The following AREL1 variants were observed in gnomAD, a reference collection of about 807,000 sequenced individuals.
AREL1 encodes apoptosis-resistant E3 ubiquitin protein ligase 1.
A neutral mutation model predicts 99.0 loss-of-function variants in AREL1; 62 were observed. The observed-to-expected ratio is 0.63, with a 90% CI of 0.51 to 0.77. The LOEUF (loss-of-function observed/expected upper bound fraction) is 0.77, where lower values mean the gene tolerates loss of function less well. Among genes scored for constraint, AREL1 ranks in the 30% least tolerant of loss-of-function variants. The pLI is 0.00. For synonymous variants in AREL1, 380 were observed against 376.5 expected, an observed-to-expected ratio of 1.01 and a Z score of -0.11; for missense variants, 879 against 1,027.6, an observed-to-expected ratio of 0.86 and a Z score of 1.98.
At chr14:74,672,769 A>G in intron 11 of AREL1, 62 bp downstream of exon 11, 1 of 1,605,604 alleles carries the variant, frequency 6.2e-7, no homozygotes, top group South Asian at 1.1e-5. Context: ...AGTAACCTGC[A>G]GAATATAGAC....
rs1266279588 is a variant in AREL1 at position 74,673,197 on chromosome 14, G to A, written c.1180C>T (p.Pro394Ser). ...GTKFSYLGPD[P>S]VHKLLTLVVD... ...ACCAGTGTGAGCAGCTTATGGACAG[G>A]GTCAGGACCAAGGTATGAAAACTGG... is the stretch of plus-strand genomic sequence containing the variant. The change falls in exon 10 of 20, where the codon CCT becomes TCT. Residue 394 changes from proline to serine, a missense_variant. Physicochemically the swap from Pro to Ser is moderately conservative, Grantham distance 74 (BLOSUM62 -1). Transcript: ENST00000356357. 6.2e-7 allele frequency: 1 copy of A among 1,614,002 alleles called. No individual in the cohort carries two copies. Among genetic ancestry groups the A allele is most frequent in the Non-Finnish European group, 8.5e-7 (1 of 1,180,016 alleles).
intron 1 of AREL1, among the ~76,000 whole-genome samples, chr14:74,693,121 T>C (rs910036356): frequency 2.6e-5 from 4 of 152,060 alleles, no homozygotes; most frequent in Admixed American, 6.6e-5. Context: ...ACAAGTGAGA[T>C]GAACGCACAG....
Position 74,674,049 on chromosome 14 carries a change from C to T in AREL1, c.1143G>A (p.Val381=). ...TTCAGCTTACTTTTGTTCCTGGACA[C>T]ACTCGGAAGGTGTAAAGGCGCCAGG... ...IIPWRLYTFR[V]CPGTKFSYLG... Residue 381 remains valine (V), a synonymous_variant, in exon 9 of 20, where the codon GTG becomes GTA. Coordinates refer to ENST00000356357, the MANE Select transcript of AREL1 (RefSeq NM_001039479.2). 3.1e-6 allele frequency: 5 copies of T among 1,613,260 alleles called. No individual in the cohort carries two copies. Among genetic ancestry groups the T allele is most frequent in the Middle Eastern group, 3.3e-4 (2 of 6,060 alleles).
chr14:74,667,733 T>C (rs1326666255), intron 15 of AREL1, 139 bp from the exon 16 acceptor site: 1 of 1,100,964 alleles, frequency 9.1e-7, no homozygotes, highest in African/African-American at 1.6e-5. Context: ...TGCATTCAGC[T>C]TTTCAACACA....
At chr14:74,695,811 G>A (rs1013028841) in intron 1 of AREL1, among the ~76,000 whole-genome samples, 2 of 152,222 alleles carry the variant, frequency 1.3e-5, no homozygotes, top group African/African-American at 4.8e-5. Context: ...CTATCTCAGA[G>A]TCTGTACTTT....
intron 5 of AREL1, among the ~76,000 whole-genome samples, chr14:74,677,320 G>A (rs1188284433): frequency 2.0e-5 from 3 of 151,620 alleles, no homozygotes. Flanking sequence ...GAGCAACATA[G>A]CAAGACCATC....
rs572775619 is a variant in AREL1 at position 74,683,497 on chromosome 14, G to A, written c.280C>T (p.Arg94Trp). ...YKNGQPFPAH[R>W]PVGLRVHISH... is the part of the protein sequence containing the mutation. ...ATGTGAACTCTTAGTCCCACAGGCCGATGTGCAGGGAAAGGCTGCCCGTTC... is the reference window on the plus strand; with the variant it reads ...ATGTGAACTCTTAGTCCCACAGGCCAATGTGCAGGGAAAGGCTGCCCGTTC... The change falls in exon 5 of 20, where the codon CGG becomes TGG. Residue 94 changes from arginine to tryptophan, a missense_variant. Transcript: ENST00000356357. 9 of 1,614,104 alleles carry A rather than the reference G, an allele frequency of 5.6e-6. No homozygotes were observed. Among genetic ancestry groups the A allele is most frequent in the African/African-American group, 2.7e-5 (2 of 75,008 alleles).
At chr14:74,707,153 A>C (rs1255296986) in intron 1 of AREL1, among the ~76,000 whole-genome samples, 7 of 146,710 alleles carry the variant, frequency 4.8e-5, no homozygotes, top group Non-Finnish European at 1.1e-4. Context: ...AGATCACCTG[A>C]GGTCAGAATT....
chr14:74,666,793 C>T (rs750465643), intron 17 of AREL1, among the ~76,000 whole-genome samples: 2 of 148,132 alleles, frequency 1.4e-5, no homozygotes, highest in Non-Finnish European at 3.0e-5. Context: ...GATCTCGGAT[C>T]ACTGCAACTT....
At chr14:74,685,029 C>T (rs1045199374) in intron 3 of AREL1, among the ~76,000 whole-genome samples, 1 of 152,038 alleles carries the variant, frequency 6.6e-6, no homozygotes, top group African/African-American at 2.4e-5. Context: ...AAAATATTTA[C>T]TCTCTGGCCT....
intron 1 of AREL1, among the ~76,000 whole-genome samples, chr14:74,700,778 T>TCAAAA (rs371592546): frequency 6.7e-4 from 102 of 152,256 alleles, no homozygotes; most frequent in African/African-American, 1.6e-3. Flanking sequence ...AGAGTCCCTC[T>TCAAAA]CAAAACAAAA....
In AREL1 at chr14:74,670,779, C is replaced by T; in HGVS notation, c.1591G>A (p.Asp531Asn). Residue 531 changes from aspartate (D) to asparagine (N), a missense_variant, in exon 13 of 20, where the codon GAC becomes AAC. Transcript: ENST00000356357. ...CAACTCACTAATGCTTGGTTGTTGTCACTGAACCGGGTGAAGAGCTGATTG... is the reference window on the plus strand; with the variant it reads ...CAACTCACTAATGCTTGGTTGTTGTTACTGAACCGGGTGAAGAGCTGATTG... ...TTNQLFTRFS[D>N]NNQALVHPNP... is the part of the protein sequence containing the mutation. 1.9e-6 allele frequency: 3 copies of T among 1,614,090 alleles called. No individual in the cohort carries two copies. Among genetic ancestry groups the T allele is most frequent in the Non-Finnish European group, 1.7e-6 (2 of 1,179,968 alleles).
chr14:74,712,858 T>TTCC (rs1171662252), intron 1 of AREL1, 75 bp downstream of exon 1: 1 of 480,882 alleles, frequency 2.1e-6, no homozygotes, highest in Non-Finnish European at 3.9e-6. Context: ...CCCTACCCTT[T>TTCC]TCCTCCCTCT....
At position 74,667,569 on chromosome 14, in the gene AREL1, G is replaced by C; in HGVS notation, c.1940C>G (p.Ala647Gly). 1.9e-6 allele frequency: 3 copies of C among 1,613,346 alleles called. No individual in the cohort carries two copies. In the South Asian group the frequency reaches 3.3e-5, roughly 18 times the overall value. The change falls in exon 16 of 20, where the codon GCT becomes GGT. Residue 647 changes from alanine (A) to glycine (G), a missense_variant. Coordinates refer to ENST00000356357, the MANE Select transcript of AREL1 (RefSeq NM_001039479.2). ...DKVVELMTGG[A>G]QTPVTNANKI... ...ATTCGCATTGGTGACTGGAGTTTGA[G>C]CTCCACCTGTCATGAGTTCTACAAC...
chr14:74,679,466 C>A (rs2089577570), intron 5 of AREL1, among the ~76,000 whole-genome samples: 1 of 152,136 alleles, frequency 6.6e-6, no homozygotes, highest in African/African-American at 2.4e-5. Context: ...AAAATATTTG[C>A]AGACCATATG....
At chr14:74,667,017 GCCTCAGTGATACTTGATGAA>G (rs1388143104) in intron 17 of AREL1, among the ~76,000 whole-genome samples, 2 of 151,776 alleles carry the variant, frequency 1.3e-5, no homozygotes, top group Non-Finnish European at 2.9e-5. Flanking sequence ...ACCATGCCCG[GCCTCAGTGATACTTGATGAA>G]TAAATGAGTA....
chr14:74,697,777 G>A (rs747099452), intron 1 of AREL1, among the ~76,000 whole-genome samples: 2 of 152,180 alleles, frequency 1.3e-5, no homozygotes, highest in Non-Finnish European at 2.9e-5. Context: ...TTAGTCAGCA[G>A]GATGAACTCA....
chr14:74,677,120 C>T (rs2089503470), intron 5 of AREL1, among the ~76,000 whole-genome samples: 3 of 151,688 alleles, frequency 2.0e-5, no homozygotes, highest in Non-Finnish European at 2.9e-5. Context: ...TTTAAAGGTG[C>T]TCTTCAGGGC....
At chr14:74,688,892 A>G (rs1454483282) in intron 2 of AREL1, among the ~76,000 whole-genome samples, 4 of 151,898 alleles carry the variant, frequency 2.6e-5, no homozygotes. Context: ...GATGGAGTGC[A>G]GTGGCATAAT....
Sources: allele counts gnomAD v4.1 joint callset (sites outside exome capture counted in the v4.1 genomes callset), GRCh38; gene constraint gnomAD v4.1.1; transcripts MANE v1.5; gene names NCBI Gene and HGNC (gene_info 2026-07-23, HGNC 2026-07-21).